Variants in KCNQ1 observed in about 807,000 individuals in gnomAD.
KCNQ1 encodes potassium voltage-gated channel subfamily Q member 1.
In KCNQ1, 49 loss-of-function variants were observed where a neutral mutation model predicts 72.4. The observed-to-expected ratio is 0.68, with a 90% confidence interval of 0.54 to 0.86. KCNQ1 has a LOEUF of 0.86. Ranked by LOEUF, KCNQ1 falls within the 40% of genes least tolerant of loss-of-function variation. The pLI is 0.00. For synonymous variants in KCNQ1, 450 were observed against 412.6 expected (o/e 1.09, Z -1.10); for missense variants, 790 against 945.1 (o/e 0.84, Z 2.15).
intron 1 of KCNQ1, among the ~76,000 whole-genome samples, chr11:2,522,103 G>A (rs1847393977): frequency 6.6e-6 from 1 of 152,242 alleles, no homozygotes; most frequent in South Asian, 2.1e-4. Flanking sequence ...CTTCGGGGCT[G>A]GTACTCGCCG....
Position 2,559,678 on chromosome 11 carries a change from G to C in KCNQ1, c.478-10950G>C, listed in dbSNP as rs1848130447. On this transcript the variant is annotated intron_variant, in intron 2 of 15. Coordinates refer to ENST00000155840, the MANE Select transcript of KCNQ1 (RefSeq NM_000218.3). The surrounding 1 kb of genome is among the most constrained non-coding windows in gnomAD (Gnocchi z 4.9). ...CAGCTGGCAGGTGGGGCTAGTTCTG[G>C]AGGGAAAGCGGCCTCGTGCCTCCCA... 6.6e-6 allele frequency among the ~76,000 whole-genome samples: 1 copy of C among 152,200 alleles called. No individual in the cohort carries two copies. The highest frequency in any genetic ancestry group is 1.5e-5 in the Non-Finnish European group (1 of 68,038).
chr11:2,582,658 T>G (rs1256849277), intron 6 of KCNQ1, among the ~76,000 whole-genome samples: 1 of 152,168 alleles, frequency 6.6e-6, no homozygotes, highest in Non-Finnish European at 1.5e-5. Flanking sequence ...CAGGAGCCTG[T>G]GTGTCCACAG....
rs1251694225 is a variant in KCNQ1, at chr11:2,824,149, A to G, written c.1795-23618A>G. Among the ~76,000 whole-genome samples, 1 of 152,012 alleles carries G rather than the reference A, an allele frequency of 6.6e-6. No individual in the cohort carries two copies. The highest frequency in any genetic ancestry group is 2.1e-4 in the South Asian group (1 of 4,822). ...CACACATTCACACAAACACACCCAG[A>G]CACATGCATGCACATGGATAACTAA... On this transcript the variant is annotated intron_variant, in intron 15 of 15. Transcript: ENST00000155840. This position sits in a 1 kb window ranked among gnomAD's most constrained non-coding sequence, Gnocchi z 5.9.
In KCNQ1 at chr11:2,751,930, C is replaced by T. The variant is rs115535570; in HGVS notation, c.1515-16914C>T. On this transcript the variant is annotated intron_variant, in intron 11 of 15. Transcript: ENST00000155840. ...CCTTCCTCTGAGCCCCTCGTGGATG[C>T]CCACACACGGCAAGACGTTTCCTCA... 2.6e-3 allele frequency among the ~76,000 whole-genome samples: 400 copies of T among 152,330 alleles called. 1 individual carries two copies. Among genetic ancestry groups the T allele is most frequent in the African/African-American group, 9.3e-3 (385 of 41,576 alleles).
intron 11 of KCNQ1, among the ~76,000 whole-genome samples, chr11:2,755,394 G>A (rs556747331): frequency 4.0e-4 from 61 of 152,254 alleles, no homozygotes; most frequent in South Asian, 6.2e-4. Flanking sequence ...GGGACTACAC[G>A]CACGTGCCAC....
At chr11:2,778,512 G>A (rs1439636672) in intron 15 of KCNQ1, among the ~76,000 whole-genome samples, 1 of 152,168 alleles carries the variant, frequency 6.6e-6, no homozygotes, top group Non-Finnish European at 1.5e-5. Flanking sequence ...TGGGAAGAGA[G>A]GCATCTTCTG....
rs753938796 is a variant in KCNQ1 at position 2,484,264 on chromosome 11, A to G, written c.386+38780A>G. On this transcript the variant is annotated intron_variant, in intron 1 of 15. Coordinates refer to ENST00000155840, the MANE Select transcript of KCNQ1 (RefSeq NM_000218.3). This position sits in a 1 kb window ranked among gnomAD's most constrained non-coding sequence, Gnocchi z 5.2. ...CTGAAACCTCTGCCTCCGGGGTTCA[A>G]GTGATTCTCCTGCCTCAGCCTCCTG... 2.6e-5 allele frequency among the ~76,000 whole-genome samples: 4 copies of G among 152,126 alleles called. No individual in the cohort carries two copies. Among genetic ancestry groups the G allele is most frequent in the Admixed American group, 6.5e-5 (1 of 15,280 alleles).
rs1481532649 is a variant in KCNQ1, at chr11:2,763,000, CT to C, written c.1515-5842del. On this transcript the variant is annotated intron_variant, in intron 11 of 15. Coordinates refer to ENST00000155840, the MANE Select transcript of KCNQ1 (RefSeq NM_000218.3). This position sits in a 1 kb window ranked among gnomAD's most constrained non-coding sequence, Gnocchi z 4.3. The stretch of plus-strand genomic sequence containing the variant: ...TGACTTTGTTGTTCTTCAAGATCGT[CT>C]TGGCTATTCTTGGCCCTTCACGTTG... 1.3e-5 allele frequency among the ~76,000 whole-genome samples: 2 copies of C among 152,184 alleles called. No individual in the cohort carries two copies. The highest frequency in any genetic ancestry group is 4.8e-5 in the African/African-American group (2 of 41,452).
intron 15 of KCNQ1, among the ~76,000 whole-genome samples, chr11:2,795,836 CCT>C (rs537837371): frequency 1.3e-5 from 2 of 152,232 alleles, no homozygotes; most frequent in African/African-American, 4.8e-5. Flanking sequence ...GCTCTCATCC[CCT>C]GAGTGCCTCC....
rs231874 is a variant in KCNQ1, at chr11:2,764,066, C to G, written c.1515-4778C>G. Among the ~76,000 whole-genome samples, 10 of 152,074 alleles carry G rather than the reference C, an allele frequency of 6.6e-5. No individual in the cohort carries two copies. The highest frequency in any genetic ancestry group is 1.0e-4 in the Non-Finnish European group (7 of 68,018). ...TACCTTTTTAACATACCAGCTGGGA[C>G]TTTCTGGACAATGTGAAATAGAAAC... is the stretch of plus-strand genomic sequence containing the variant. On this transcript the variant is annotated intron_variant, in intron 11 of 15. Coordinates refer to ENST00000155840, the MANE Select transcript of KCNQ1 (RefSeq NM_000218.3). This position sits in a 1 kb window ranked among gnomAD's most constrained non-coding sequence, Gnocchi z 4.8.
chr11:2,697,308 T>C (rs624471), intron 11 of KCNQ1: 248,952 of 398,416 alleles, frequency 0.62, 83,066 homozygotes, highest in East Asian at 0.99. Context: ...TGTTTGAGAA[T>C]CTTTATGGAG....
chr11:2,628,585 A>G, intron 10 of KCNQ1: 2 of 398,382 alleles, frequency 5.0e-6, no homozygotes, highest in Non-Finnish European at 4.4e-6. Context: ...CTCCCGCTAC[A>G]TGTGCTGCCT....
intron 1 of KCNQ1, among the ~76,000 whole-genome samples, chr11:2,476,117 A>G (rs1329799504): frequency 6.6e-6 from 1 of 152,236 alleles, no homozygotes; most frequent in Non-Finnish European, 1.5e-5. Flanking sequence ...ATATAGTTAA[A>G]TTAATAGATA....
At position 2,768,550 on chromosome 11, in the gene KCNQ1, C is replaced by A. The variant is rs1196828326; in HGVS notation, c.1515-294C>A. On this transcript the variant is annotated intron_variant, in intron 11 of 15. Coordinates refer to ENST00000155840, the MANE Select transcript of KCNQ1 (RefSeq NM_000218.3). The surrounding 1 kb of genome is among the most constrained non-coding windows in gnomAD (Gnocchi z 6.7). ...CCATGTGTCAGCAGCATAGCCATGG[C>A]CAACTCAGGGCCCTGACTCCTACCT... Among the ~76,000 whole-genome samples, 2 of 152,176 alleles carry A rather than the reference C, an allele frequency of 1.3e-5. No individual in the cohort carries two copies. The highest frequency in any genetic ancestry group is 4.8e-5 in the African/African-American group (2 of 41,436).
At chr11:2,790,978 C>T (rs984846547) in intron 15 of KCNQ1, among the ~76,000 whole-genome samples, 2 of 152,206 alleles carry the variant, frequency 1.3e-5, no homozygotes, top group East Asian at 3.8e-4. Context: ...TTTCCCCACA[C>T]TAGCGTCTCT....
chr11:2,504,980 T>C (rs1847079734), intron 1 of KCNQ1, among the ~76,000 whole-genome samples: 1 of 152,196 alleles, frequency 6.6e-6, no homozygotes, highest in Non-Finnish European at 1.5e-5. Context: ...AACGCTTTTG[T>C]TGTGTCCCAG....
At chr11:2,512,644 G>A (rs757499174) in intron 1 of KCNQ1, among the ~76,000 whole-genome samples, 13 of 152,208 alleles carry the variant, frequency 8.5e-5, no homozygotes, top group South Asian at 2.1e-4. Context: ...AGGGATGTCC[G>A]TGCCTTGGGC....
intron 15 of KCNQ1, among the ~76,000 whole-genome samples, chr11:2,794,846 G>A (rs1404429045): frequency 3.3e-5 from 5 of 152,106 alleles, no homozygotes; most frequent in African/African-American, 4.8e-5. Context: ...TCTCCCTAGC[G>A]GAGGGAAAGA....
chr11:2,665,262 CCCTGAG>C (rs1767044943), intron 11 of KCNQ1: 2 of 398,434 alleles, frequency 5.0e-6, no homozygotes, highest in Admixed American at 4.4e-5. Context: ...GCCTCAAACT[CCCTGAG>C]CCTGTGTCTC....
Sources: allele counts gnomAD v4.1 joint callset (sites outside exome capture counted in the v4.1 genomes callset), GRCh38; gene constraint gnomAD v4.1.1; non-coding constraint Gnocchi (gnomAD v3.1); transcripts MANE v1.5; gene names NCBI Gene and HGNC (gene_info 2026-07-23, HGNC 2026-07-21).